Variants in SDR16C5 observed in about 807,000 individuals in gnomAD.
SDR16C5 encodes short chain dehydrogenase/reductase family 16C member 5.
SDR16C5 carries 20 observed loss-of-function variants against 27.7 expected under a neutral mutation model. That is an observed-to-expected ratio of 0.72 (90% CI 0.51 to 1.05). The LOEUF (loss-of-function observed/expected upper bound fraction) is 1.05, where lower values mean the gene tolerates loss of function less well. Among genes scored for constraint, SDR16C5 ranks in the 50% least tolerant of loss-of-function variants. The pLI is 0.00. For missense variants in SDR16C5, 374 were observed against 366.3 expected, an observed-to-expected ratio of 1.02 and a Z score of -0.17; for synonymous variants, 139 against 132.3, an observed-to-expected ratio of 1.05 and a Z score of -0.35.
At chr8:56,304,642 G>T (rs1034807660) in intron 6 of SDR16C5, among the ~76,000 whole-genome samples, 37 of 151,906 alleles carry the variant, frequency 2.4e-4, no homozygotes, top group African/African-American at 8.9e-4. Context: ...TGTTTCAAGC[G>T]ATTCTCCTGC....
chr8:56,316,117 A>G lies in SDR16C5; in HGVS notation c.231T>C (p.Asn77=), dbSNP rs760205816. ...LVLWDINKEG[N]EETCKMAREA... is the part of the protein sequence containing the mutation. ...CCCGAGCCATCTTACATGTTTCCTC[A>G]TTCCCCTCCTTATTGATATCCCAGA... is the stretch of plus-strand genomic sequence containing the variant. The change falls in exon 2 of 7, where the codon AAT becomes AAC. Residue 77 remains asparagine, a synonymous_variant. Coordinates refer to ENST00000303749, the MANE Select transcript of SDR16C5 (RefSeq NM_138969.4). 2.5e-6 allele frequency: 4 copies of G among 1,614,000 alleles called. No homozygotes were observed. Among genetic ancestry groups the G allele is most frequent in the Non-Finnish European group, 2.5e-6 (3 of 1,179,962 alleles).
At chr8:56,314,988 T>C (rs1192086322) in intron 2 of SDR16C5, among the ~76,000 whole-genome samples, 1 of 152,172 alleles carries the variant, frequency 6.6e-6, no homozygotes, top group Non-Finnish European at 1.5e-5. Context: ...CTCATGCCTG[T>C]AATCCCAGCA....
intron 1 of SDR16C5, among the ~76,000 whole-genome samples, chr8:56,317,495 C>G (rs1164528040): frequency 2.0e-5 from 3 of 152,280 alleles, no homozygotes; most frequent in Non-Finnish European, 4.4e-5. Context: ...GCATACTGTG[C>G]TGGGGGTGGG....
intron 6 of SDR16C5, among the ~76,000 whole-genome samples, chr8:56,302,815 TA>T (rs1814791803): frequency 1.3e-5 from 2 of 151,234 alleles, no homozygotes; most frequent in African/African-American, 2.4e-5. Flanking sequence ...ACCCCATCTC[TA>T]AAAAAATAAA....
At chr8:56,310,877 T>C (rs937628408) in intron 3 of SDR16C5, among the ~76,000 whole-genome samples, 5 of 152,316 alleles carry the variant, frequency 3.3e-5, no homozygotes, top group East Asian at 1.9e-4. Context: ...TGTAGGAACA[T>C]GGTAGCCACT....
chr8:56,316,411 G>T, intron 1 of SDR16C5, 50 bp from the exon 2 acceptor site: 1 of 1,235,660 alleles, frequency 8.1e-7, no homozygotes, highest in Non-Finnish European at 1.2e-6. Context: ...CATTTCCTCT[G>T]AGTTGTTTAC....
chr8:56,316,616 T>A (rs974227257), intron 1 of SDR16C5, among the ~76,000 whole-genome samples: 16 of 152,170 alleles, frequency 1.1e-4, no homozygotes, highest in African/African-American at 2.4e-5. Context: ...ACAACAGAAA[T>A]GTTTGTTAAC....
chr8:56,308,587 T>C (rs1385032493), intron 4 of SDR16C5, among the ~76,000 whole-genome samples: 2 of 152,170 alleles, frequency 1.3e-5, no homozygotes, highest in African/African-American at 4.8e-5. Context: ...GAAGACAGGG[T>C]CATCCTCCTT....
At chr8:56,317,830 T>C (rs1332932371) in intron 1 of SDR16C5, among the ~76,000 whole-genome samples, 1 of 152,144 alleles carries the variant, frequency 6.6e-6, no homozygotes, top group African/African-American at 2.4e-5. Flanking sequence ...GATTGGTTCA[T>C]GTGTTATGTT....
intron 6 of SDR16C5, among the ~76,000 whole-genome samples, chr8:56,302,248 C>T (rs532062599): frequency 6.6e-6 from 1 of 152,274 alleles, no homozygotes; most frequent in African/African-American, 2.4e-5. Context: ...GGAAAGGACC[C>T]CATGCTCCTT....
intron 3 of SDR16C5, among the ~76,000 whole-genome samples, chr8:56,311,304 A>G (rs557851611): frequency 6.6e-5 from 10 of 152,210 alleles, no homozygotes; most frequent in African/African-American, 1.9e-4. Context: ...AATCCCAGCT[A>G]CTCAGGTGGC....
At chr8:56,310,078 G>A (rs1814986506) in intron 3 of SDR16C5, among the ~76,000 whole-genome samples, 3 of 145,834 alleles carry the variant, frequency 2.1e-5, no homozygotes, top group Non-Finnish European at 1.5e-5. Context: ...GGAGTTGGAG[G>A]AAGAAGAAGA....
intron 1 of SDR16C5, among the ~76,000 whole-genome samples, chr8:56,319,055 T>A (rs1815265235): frequency 6.6e-6 from 1 of 150,546 alleles, no homozygotes; most frequent in Non-Finnish European, 1.5e-5. Context: ...TAAACCAGTT[T>A]ATATAGGTAA....
intron 2 of SDR16C5, among the ~76,000 whole-genome samples, chr8:56,314,672 C>T (rs1308092989): frequency 6.8e-6 from 1 of 147,446 alleles, no homozygotes; most frequent in Non-Finnish European, 1.5e-5. Flanking sequence ...TGTGGATCTC[C>T]AGCCTGTACT....
intron 6 of SDR16C5, among the ~76,000 whole-genome samples, chr8:56,303,462 T>C (rs1037877411): frequency 6.6e-5 from 10 of 152,186 alleles, no homozygotes; most frequent in African/African-American, 2.4e-4. Context: ...TGTTTGTTTC[T>C]TTTCTGCCCC....
intron 4 of SDR16C5, among the ~76,000 whole-genome samples, chr8:56,307,789 G>A (rs980326147): frequency 2.0e-5 from 3 of 152,170 alleles, no homozygotes; most frequent in African/African-American, 7.2e-5. Context: ...GAATCTGCAT[G>A]CTAAACTGGC....
chr8:56,314,925 G>A (rs1585919385), intron 2 of SDR16C5, among the ~76,000 whole-genome samples: 1 of 152,152 alleles, frequency 6.6e-6, no homozygotes, highest in Admixed American at 6.5e-5. Context: ...AGTGATGAGT[G>A]AAGTACTCAA....
chr8:56,306,900 A>T, intron 4 of SDR16C5, 80 bp from the exon 5 acceptor site: 1 of 1,228,324 alleles, frequency 8.1e-7, no homozygotes, highest in Non-Finnish European at 1.1e-6. Context: ...TAACGCTAAC[A>T]GCGACAGAAA....
intron 2 of SDR16C5, among the ~76,000 whole-genome samples, chr8:56,312,828 G>A (rs927811773): frequency 6.8e-6 from 1 of 147,586 alleles, no homozygotes; most frequent in Admixed American, 6.8e-5. Context: ...CCAGGCTGGA[G>A]TGCAGTGGCA....
Sources: gnomAD v4.1 joint callset for allele counts (sites outside exome capture counted in the v4.1 genomes callset) on GRCh38, gnomAD v4.1.1 for gene constraint, MANE v1.5 for transcripts, NCBI Gene and HGNC (gene_info 2026-07-23, HGNC 2026-07-21) for gene names.